STIM2: variants seen among roughly 807,000 people sequenced by gnomAD.
The protein encoded by STIM2 is stromal interaction molecule 2.
Under a neutral mutation model 85.8 loss-of-function variants are expected in STIM2, and 31 were observed. The observed-to-expected ratio is 0.36, with a 90% CI of 0.27 to 0.49. STIM2 has a LOEUF of 0.49. Ranked by LOEUF, STIM2 falls within the 20% of genes least tolerant of loss-of-function variation. STIM2 has a pLI of 0.98. For missense variants in STIM2, 841 were observed against 927.6 expected (o/e 0.91, Z 1.21); for synonymous variants, 356 against 331.1 (o/e 1.08, Z -0.82).
chr4:26,936,232 ACTTATGTC>A (rs1197019152), intron 2 of STIM2, among the ~76,000 whole-genome samples: 1 of 152,152 alleles, frequency 6.6e-6, no homozygotes, highest in African/African-American at 2.4e-5. Flanking sequence ...TTAGTTTAGT[ACTTATGTC>A]CTTATGTCCT....
chr4:27,013,981 A>G (rs932499958), intron 10 of STIM2, among the ~76,000 whole-genome samples: 17 of 151,938 alleles, frequency 1.1e-4, no homozygotes, highest in Non-Finnish European at 4.4e-5. Flanking sequence ...TTTCTAGAAT[A>G]TTGTGTTTTA....
chr4:26,906,893 G>C (rs1199483504), intron 1 of STIM2, among the ~76,000 whole-genome samples: 1 of 151,950 alleles, frequency 6.6e-6, no homozygotes, highest in Non-Finnish European at 1.5e-5. Flanking sequence ...CGTGAATCTG[G>C]GAGGTGGAGC....
chr4:26,904,174 T>G (rs529168060), intron 1 of STIM2, among the ~76,000 whole-genome samples: 3 of 149,048 alleles, frequency 2.0e-5, no homozygotes, highest in Non-Finnish European at 4.4e-5. Context: ...AATTCTGTTT[T>G]CATGATCTCT....
intron 3 of STIM2, among the ~76,000 whole-genome samples, chr4:26,978,140 TA>T (rs1284779773): frequency 1.3e-5 from 2 of 151,824 alleles, no homozygotes; most frequent in Admixed American, 6.6e-5. Context: ...TTGTTGACTT[TA>T]AAAAGGAAGA....
intron 3 of STIM2, among the ~76,000 whole-genome samples, chr4:26,988,911 GA>G (rs1727670172): frequency 2.0e-5 from 3 of 152,174 alleles, no homozygotes; most frequent in African/African-American, 7.2e-5. Context: ...TATTATAATG[GA>G]ATCATAGAAA....
chr4:26,871,815 A>G (rs1722628813), intron 1 of STIM2, among the ~76,000 whole-genome samples: 1 of 150,922 alleles, frequency 6.6e-6, no homozygotes. Flanking sequence ...AAGTAATTAG[A>G]TTATGAGTGT....
intron 2 of STIM2, among the ~76,000 whole-genome samples, chr4:26,933,587 A>G (rs1354450710): frequency 6.6e-6 from 1 of 152,058 alleles, no homozygotes; most frequent in Non-Finnish European, 1.5e-5. Flanking sequence ...ATATTTTTCC[A>G]GACTGTTTTT....
intron 1 of STIM2, among the ~76,000 whole-genome samples, chr4:26,914,598 A>G (rs1233405223): frequency 6.6e-6 from 1 of 152,214 alleles, no homozygotes; most frequent in Non-Finnish European, 1.5e-5. Flanking sequence ...TTTGCTACAT[A>G]AATGAATTGT....
In STIM2 at chr4:27,015,672, A is replaced by G. The variant is rs956373250; in HGVS notation, c.1490-2039A>G. Among the ~76,000 whole-genome samples the G allele has an allele frequency of 3.9e-5, 6 of 152,086 alleles. No individual in the cohort carries two copies. The East Asian group carries it at 7.7e-4, about 20-fold the overall frequency. On this transcript the variant is annotated intron_variant, in intron 10 of 11. Transcript: ENST00000467087. ...CTGTTGAGAAGTTTGTAGTCAGTCA[A>G]CTTGGTTCGGGTTCTTTTTAGATAA...
intron 3 of STIM2, among the ~76,000 whole-genome samples, chr4:26,960,030 C>T (rs1045085788): frequency 2.6e-5 from 4 of 152,062 alleles, no homozygotes; most frequent in Non-Finnish European, 4.4e-5. Context: ...TTTCTCAACC[C>T]ATGTCAGACT....
Position 27,007,526 on chromosome 4 carries a change from C to A in STIM2, c.982-7C>A. The A allele has an allele frequency of 6.8e-7, 1 of 1,477,400 alleles. No homozygotes were observed. Among genetic ancestry groups the A allele is most frequent in the Non-Finnish European group, 9.0e-7 (1 of 1,106,992 alleles). The allele number at this position is 1,477,400 out of a possible 1,614,324, so 91.5% of individuals were successfully genotyped here. A position where few individuals can be genotyped will look rare whatever the true frequency, so the allele number is the denominator to read the frequency against. ...CCTTTCTTGCCTCCTTCCTTTCCTT[C>A]TTCTAGGTTCGCATGGCTCTGAAAA... On this transcript the variant is annotated splice_polypyrimidine_tract_variant and splice_region_variant and intron_variant, in intron 7 of 11. Coordinates refer to ENST00000467087, the MANE Select transcript of STIM2 (RefSeq NM_020860.4).
intron 1 of STIM2, among the ~76,000 whole-genome samples, chr4:26,897,152 C>G (rs1055449355): frequency 6.6e-6 from 1 of 152,178 alleles, no homozygotes; most frequent in Non-Finnish European, 1.5e-5. Context: ...AAATAAAATG[C>G]TTATAAACAT....
chr4:26,906,338 C>T (rs1247803925), intron 1 of STIM2, among the ~76,000 whole-genome samples: 17 of 151,988 alleles, frequency 1.1e-4, no homozygotes, highest in Non-Finnish European at 2.5e-4. Context: ...TGCCTATTAC[C>T]TGGGTATTAT....
intron 3 of STIM2, among the ~76,000 whole-genome samples, chr4:26,984,645 G>A (rs577682074): frequency 2.8e-4 from 42 of 152,302 alleles, no homozygotes; most frequent in East Asian, 1.2e-3. Flanking sequence ...GATTACAGGC[G>A]TGAGCCACTT....
Position 27,024,196 on chromosome 4 carries a change from TATTA to T in STIM2, c.*1204_*1207del, listed in dbSNP as rs1466817394. On this transcript the variant is annotated 3_prime_UTR_variant, in exon 12 of 12. Coordinates refer to ENST00000467087, the MANE Select transcript of STIM2 (RefSeq NM_020860.4). ...TTTATGGTGCATTTAGATTGCGTTG[TATTA>T]ATTTATAAAGTATGGTGTTCATTAA... 4.6e-5 allele frequency: 7 copies of T among 152,344 alleles called. No individual in the cohort carries two copies. The highest frequency in any genetic ancestry group is 1.4e-4 in the African/African-American group (6 of 41,582). The allele number at this position is 152,344 out of a possible 1,614,324, so 9.4% of individuals were successfully genotyped here.
At chr4:26,946,572 G>A (rs1051928036) in intron 2 of STIM2, among the ~76,000 whole-genome samples, 18 of 152,224 alleles carry the variant, frequency 1.2e-4, no homozygotes, top group African/African-American at 3.1e-4. Context: ...GTGTGCGCAC[G>A]CATGCGTGCA....
chr4:26,908,333 A>AT (rs1333130987), intron 1 of STIM2, among the ~76,000 whole-genome samples: 1 of 152,216 alleles, frequency 6.6e-6, no homozygotes, highest in Admixed American at 6.5e-5. Flanking sequence ...CGTGGGCTGA[A>AT]TTTCAACAAA....
chr4:26,957,603 C>A lies in STIM2; in HGVS notation c.283-9C>A. The A allele has an allele frequency of 7.0e-7, 1 of 1,422,074 alleles. No homozygotes were observed. Among genetic ancestry groups the A allele is most frequent in the Non-Finnish European group, 9.5e-7 (1 of 1,048,908 alleles). 88.1% of individuals were successfully genotyped at this position (1,422,074 alleles called of 1,614,324 possible). A position where few individuals can be genotyped will look rare whatever the true frequency, so the allele number is the denominator to read the frequency against. ...ATTTATATTTAACTTAATGTTTTCT[C>A]TTCTATAGTTCATCAGAGAAGATAT... On this transcript the variant is annotated splice_polypyrimidine_tract_variant and intron_variant, in intron 2 of 11. Coordinates refer to ENST00000467087, the MANE Select transcript of STIM2 (RefSeq NM_020860.4).
chr4:26,932,643 A>C (rs1305365779), intron 2 of STIM2, among the ~76,000 whole-genome samples: 1 of 152,176 alleles, frequency 6.6e-6, no homozygotes, highest in African/African-American at 2.4e-5. Context: ...TTAACGAATG[A>C]ATATTGGAAA....
Sources: allele counts gnomAD v4.1 joint callset (sites outside exome capture counted in the v4.1 genomes callset), GRCh38; gene constraint gnomAD v4.1.1; transcripts MANE v1.5; gene names NCBI Gene and HGNC (gene_info 2026-07-23, HGNC 2026-07-21).